The following NTM variants were observed in gnomAD, a reference collection of about 807,000 sequenced individuals.
NTM encodes the protein neurotrimin, also known as IgLON family member 2.
In NTM, 13 loss-of-function variants were observed where a neutral mutation model predicts 42.1. The ratio of observed to expected loss-of-function variants is 0.31; its 90% confidence interval spans 0.20 to 0.49. The LOEUF is 0.49. NTM is among the 20% of genes least tolerant of loss of function. The pLI, the probability that NTM is intolerant of heterozygous loss-of-function variation, is 0.99. For missense variants in NTM, 373 were observed against 452.8 expected (o/e 0.82, Z 1.60); for synonymous variants, 187 against 179.2 (o/e 1.04, Z -0.35).
chr11:132,289,332 C>T (rs2094371272), intron 4 of NTM, among the ~76,000 whole-genome samples: 1 of 152,214 alleles, frequency 6.6e-6, no homozygotes, highest in Non-Finnish European at 1.5e-5. Context: ...CCAACTAAGA[C>T]TCTGGGTGGT....
chr11:132,037,935 AAAGT>A (rs1356497625), intron 2 of NTM, among the ~76,000 whole-genome samples: 1 of 152,232 alleles, frequency 6.6e-6, no homozygotes, highest in Admixed American at 6.5e-5. Context: ...CCGTGCACAC[AAAGT>A]AATTGCACCA....
intron 4 of NTM, among the ~76,000 whole-genome samples, chr11:132,261,879 A>C (rs1293076605): frequency 6.6e-6 from 1 of 152,192 alleles, no homozygotes; most frequent in Non-Finnish European, 1.5e-5. Context: ...TAAACTGAAA[A>C]CCCATAAAGC....
intron 7 of NTM, among the ~76,000 whole-genome samples, chr11:132,321,852 G>T (rs1228600138): frequency 3.3e-5 from 5 of 149,774 alleles, no homozygotes; most frequent in African/African-American, 4.9e-5. Context: ...CTACAAGCCA[G>T]AAGAGAGTGG....
intron 2 of NTM, among the ~76,000 whole-genome samples, chr11:132,020,427 T>C (rs759442477): frequency 4.1e-5 from 6 of 147,688 alleles, no homozygotes; most frequent in Admixed American, 1.4e-4. Context: ...TTTTACATTG[T>C]CTTATTTTGT....
chr11:131,445,706 A>G (rs1950005406), intron 1 of NTM, among the ~76,000 whole-genome samples: 1 of 152,218 alleles, frequency 6.6e-6, no homozygotes, highest in Admixed American at 6.5e-5. Context: ...AGCATTCACA[A>G]TTCCTGCAAG....
At chr11:131,913,675 T>C (rs2055733099) in intron 2 of NTM, among the ~76,000 whole-genome samples, 1 of 152,254 alleles carries the variant, frequency 6.6e-6, no homozygotes, top group East Asian at 1.9e-4. Flanking sequence ...ACATGTGTTC[T>C]CAACCCAGTG....
chr11:132,173,104 T>C (rs959888178), intron 3 of NTM, among the ~76,000 whole-genome samples: 2 of 152,222 alleles, frequency 1.3e-5, no homozygotes, highest in African/African-American at 4.8e-5. Context: ...ATGCTAGACA[T>C]CTAGAAGAGT....
chr11:131,547,070 C>A (rs1465481669), intron 1 of NTM, among the ~76,000 whole-genome samples: 1 of 152,014 alleles, frequency 6.6e-6, no homozygotes, highest in Non-Finnish European at 1.5e-5. Context: ...AGAACCAGAT[C>A]CATGCACATA....
At chr11:132,099,328 A>G (rs1301235738) in intron 2 of NTM, among the ~76,000 whole-genome samples, 1 of 152,210 alleles carries the variant, frequency 6.6e-6, no homozygotes, top group African/African-American at 2.4e-5. Context: ...CTTCTAATCC[A>G]GTGGTGGTCA....
At position 132,335,124 on chromosome 11, in the gene NTM, T is replaced by C. The variant is rs1482605172; in HGVS notation, c.1046T>C (p.Leu349Ser). 2.5e-6 allele frequency: 4 copies of C among 1,612,722 alleles called. No homozygotes were observed. Among genetic ancestry groups the C allele is most frequent in the Non-Finnish European group, 3.4e-6 (4 of 1,179,974 alleles). ...GTCTGGCTGCTGCCTCTTCTGGTCT[T>C]GCACCTGCTTCTCAAATTTTGATGT... is the stretch of plus-strand genomic sequence containing the variant. ...GCVWLLPLLVLHLLLKF is the reference protein window; with the variant it reads ...GCVWLLPLLVSHLLLKF The change falls in exon 9 of 9, where the codon TTG becomes TCG. Residue 349 changes from leucine (L) to serine (S), a missense_variant. By Grantham distance (145) the Leu-to-Ser change is moderately radical (BLOSUM62 -2). Around this residue, in one of 3 missense-constraint regions of NTM, gnomAD observed 312 missense variants for 353.5 expected, o/e 0.88. Coordinates refer to ENST00000683400, the MANE Select transcript of NTM (RefSeq NM_001352005.2).
chr11:132,251,229 T>G (rs971828662), intron 4 of NTM, among the ~76,000 whole-genome samples: 1 of 152,210 alleles, frequency 6.6e-6, no homozygotes, highest in Non-Finnish European at 1.5e-5. Flanking sequence ...AAAAGGGTGT[T>G]GGGCTTTGAT....
chr11:131,377,206 C>T (rs2135496866), intron 1 of NTM, among the ~76,000 whole-genome samples: 1 of 152,238 alleles, frequency 6.6e-6, no homozygotes, highest in South Asian at 2.1e-4. Flanking sequence ...AGAGATGCTG[C>T]CTTTGCTACT....
chr11:132,124,072 C>T (rs4312071), intron 2 of NTM, among the ~76,000 whole-genome samples: 110,086 of 152,110 alleles, frequency 0.72, 40,734 homozygotes, highest in African/African-American at 0.86. Context: ...ACAGAGTGGC[C>T]GTGTGGCTCA....
intron 4 of NTM, 113 bp downstream of exon 4, chr11:132,212,260 G>A (rs2082980374): frequency 1.3e-6 from 1 of 778,798 alleles, no homozygotes; most frequent in Non-Finnish European, 2.1e-6. Context: ...CGTTTTTGGT[G>A]GCTTGATGGT....
At chr11:131,822,341 T>C (rs1459049031) in intron 1 of NTM, among the ~76,000 whole-genome samples, 1 of 152,212 alleles carries the variant, frequency 6.6e-6, no homozygotes, top group Non-Finnish European at 1.5e-5. Flanking sequence ...CTTTCTTGAA[T>C]GACTGATTAC....
chr11:132,207,954 A>T (rs896692491), intron 3 of NTM, among the ~76,000 whole-genome samples: 2 of 152,198 alleles, frequency 1.3e-5, no homozygotes, highest in African/African-American at 2.4e-5. Flanking sequence ...TGAGGCTGTG[A>T]ACTCCTTGAG....
chr11:132,159,108 G>A (rs2073798731), intron 3 of NTM, among the ~76,000 whole-genome samples: 1 of 152,188 alleles, frequency 6.6e-6, no homozygotes, highest in Non-Finnish European at 1.5e-5. Context: ...GGGGAGTTTT[G>A]CAGCAGGGAG....
chr11:132,092,796 C>G (rs541399163), intron 2 of NTM, among the ~76,000 whole-genome samples: 21 of 152,324 alleles, frequency 1.4e-4, no homozygotes, highest in African/African-American at 5.1e-4. Context: ...TGGTCCCTTG[C>G]CAAGAGGATA....
At chr11:131,476,169 C>T (rs1565541461) in intron 1 of NTM, among the ~76,000 whole-genome samples, 1 of 152,124 alleles carries the variant, frequency 6.6e-6, no homozygotes, top group Non-Finnish European at 1.5e-5. Flanking sequence ...AGCTTTTCAC[C>T]CATTTTATGT....
Sources: gnomAD v4.1 joint callset for allele counts (sites outside exome capture counted in the v4.1 genomes callset) on GRCh38, gnomAD v4.1.1 for gene constraint, gnomAD v4.1.1 regional missense constraint, MANE v1.5 for transcripts, NCBI Gene and HGNC (gene_info 2026-07-23, HGNC 2026-07-21) for gene names.